Variants in PCNX2 observed in about 807,000 individuals in gnomAD.
PCNX2 encodes the protein pecanex-like protein 2.
A neutral mutation model predicts 223.8 loss-of-function variants in PCNX2; 168 were observed. That is an observed-to-expected ratio of 0.75 (90% CI 0.66 to 0.85). The LOEUF (loss-of-function observed/expected upper bound fraction) is 0.85. Among genes scored for constraint, PCNX2 ranks in the 40% least tolerant of loss-of-function variants. The pLI is 0.00. For synonymous variants in PCNX2, 1,006 were observed against 1,052.6 expected (o/e 0.96, Z 0.86); for missense variants, 2,507 against 2,675.5 (o/e 0.94, Z 1.39).
rs1674612161 is a variant in PCNX2 at position 233,103,601 on chromosome 1, T to G, written c.3838-7738A>C. On this transcript the variant is annotated intron_variant, in intron 21 of 33. Transcript: ENST00000258229. ...TGACCTCCAGTTCCATCCATGTTGT[T>G]GCAAATGATAGAATTCTTTTTTATG... Among the ~76,000 whole-genome samples, 3 of 152,196 alleles carry G rather than the reference T, an allele frequency of 2.0e-5. No individual in the cohort carries two copies. The South Asian group carries it at 6.2e-4, about 31-fold the overall frequency.
chr1:233,292,361 C>T (rs971178720), intron 1 of PCNX2, among the ~76,000 whole-genome samples: 4 of 151,882 alleles, frequency 2.6e-5, no homozygotes, highest in African/African-American at 7.3e-5. Context: ...GCATGCACCA[C>T]CACGCCCAGC....
At chr1:233,148,821 A>G (rs1677625092) in intron 19 of PCNX2, among the ~76,000 whole-genome samples, 1 of 152,272 alleles carries the variant, frequency 6.6e-6, no homozygotes, top group African/African-American at 2.4e-5. Flanking sequence ...TGAAACTCAT[A>G]CTGAATGTTT....
intron 21 of PCNX2, among the ~76,000 whole-genome samples, chr1:233,130,663 T>G (rs536245911): frequency 6.6e-6 from 1 of 152,170 alleles, no homozygotes; most frequent in East Asian, 1.9e-4. Flanking sequence ...TTTTGTATTT[T>G]TAGTAGAGAC....
intron 25 of PCNX2, among the ~76,000 whole-genome samples, chr1:233,050,120 G>C (rs1454020246): frequency 1.3e-5 from 2 of 152,048 alleles, no homozygotes; most frequent in Non-Finnish European, 2.9e-5. Context: ...GATAGCATTA[G>C]GAGAAATACC....
At chr1:233,097,888 G>A (rs1273989882) in intron 21 of PCNX2, among the ~76,000 whole-genome samples, 1 of 152,134 alleles carries the variant, frequency 6.6e-6, no homozygotes, top group Non-Finnish European at 1.5e-5. Flanking sequence ...AACACATCAA[G>A]TGCCCAAGAG....
chr1:233,262,065 G>C lies in PCNX2; in HGVS notation c.460C>G (p.His154Asp). 2 of 1,613,856 alleles carry C rather than the reference G, an allele frequency of 1.2e-6. No homozygotes were observed. Among genetic ancestry groups the C allele is most frequent in the South Asian group, 1.1e-5 (1 of 91,074 alleles). The change falls in exon 3 of 34, where the codon CAT (histidine) becomes GAT (aspartate). Residue 154 changes from histidine (H) to aspartate (D), a missense_variant. Around this residue, in one of 3 missense-constraint regions of PCNX2, gnomAD observed 1,031 missense variants for 1,021.7 expected, o/e 1.01. Transcript: ENST00000258229. ...CSSRGQSITSHHSSGPLELSA... is the reference protein window; with the variant it reads ...CSSRGQSITSDHSSGPLELSA... ...CTAACCAATGGCCCAGAAGAGTGATGAGAGGTTATGCTTTGCCCTCTGGAG... is the reference window on the plus strand; with the variant it reads ...CTAACCAATGGCCCAGAAGAGTGATCAGAGGTTATGCTTTGCCCTCTGGAG...
At chr1:232,998,459 T>C in intron 31 of PCNX2, 21 bp from the exon 32 acceptor site, 1 of 1,604,820 alleles carries the variant, frequency 6.2e-7, no homozygotes, top group Non-Finnish European at 8.5e-7. Flanking sequence ...GAGAAGTCCT[T>C]TGAGGATTCT....
chr1:233,150,016 C>G (rs1380451970), intron 19 of PCNX2, among the ~76,000 whole-genome samples: 1 of 152,136 alleles, frequency 6.6e-6, no homozygotes, highest in Non-Finnish European at 1.5e-5. Context: ...CCCTCCCAAC[C>G]CCCTATGTGT....
chr1:233,144,950 TTTG>T (rs1468948798), intron 19 of PCNX2, among the ~76,000 whole-genome samples: 4 of 63,806 alleles, frequency 6.3e-5, no homozygotes, highest in African/African-American at 2.8e-4. Context: ...TTGTTGTTGT[TTTG>T]TTTTTTTTTT....
rs561451430 is a variant in PCNX2 at position 232,991,434 on chromosome 1, G to A, written c.5792-4894C>T. Among the ~76,000 whole-genome samples the A allele has an allele frequency of 2.8e-4, 43 of 152,222 alleles. No individual in the cohort carries two copies. Among genetic ancestry groups the A allele is most frequent in the African/African-American group, 8.2e-4 (34 of 41,516 alleles). On this transcript the variant is annotated intron_variant, in intron 32 of 33. Coordinates refer to ENST00000258229, the MANE Select transcript of PCNX2 (RefSeq NM_014801.4). The surrounding 1 kb of genome is among the most constrained non-coding windows in gnomAD (Gnocchi z 4.3). ...AGCAGACCAGATGGGGGCCTGCGGG[G>A]GAGGGGTGCTCATGGGATGCGCGTG...
chr1:233,258,753 A>G lies in PCNX2; in HGVS notation c.1109T>C (p.Leu370Pro). The G allele has an allele frequency of 1.2e-6, 2 of 1,613,924 alleles. No homozygotes were observed. Among genetic ancestry groups the G allele is most frequent in the Non-Finnish European group, 1.7e-6 (2 of 1,179,898 alleles). The change falls in exon 5 of 34, where the codon CTA becomes CCA. Residue 370 changes from leucine (L) to proline (P), a missense_variant. Coordinates refer to ENST00000258229, the MANE Select transcript of PCNX2 (RefSeq NM_014801.4). ...DTSQPGDPLS[L>P]HEPIKIVITM... ...GATAACAATTTTTATGGGCTCATGT[A>G]GACTCAGTGGGTCTCCGGGTTGAGA...
chr1:233,120,692 G>A (rs186463903), intron 21 of PCNX2, among the ~76,000 whole-genome samples: 46 of 152,228 alleles, frequency 3.0e-4, no homozygotes, highest in Admixed American at 2.4e-3. Flanking sequence ...GTTATATATT[G>A]TATGATTCCA....
At chr1:233,029,450 GA>G (rs1257368534) in intron 25 of PCNX2, among the ~76,000 whole-genome samples, 1 of 151,928 alleles carries the variant, frequency 6.6e-6, no homozygotes, top group Non-Finnish European at 1.5e-5. Flanking sequence ...ATTTTAAAAA[GA>G]AAAAAATCTT....
intron 1 of PCNX2, among the ~76,000 whole-genome samples, chr1:233,289,970 C>T (rs1661665137): frequency 6.6e-6 from 1 of 152,164 alleles, no homozygotes; most frequent in South Asian, 2.1e-4. Flanking sequence ...CCATAATTTA[C>T]ACTAAGTCAT....
intron 28 of PCNX2, among the ~76,000 whole-genome samples, chr1:233,011,704 G>A (rs1197080746): frequency 6.6e-6 from 1 of 152,158 alleles, no homozygotes; most frequent in East Asian, 1.9e-4. Flanking sequence ...AGATAGGAAG[G>A]TGAAGAAGAA....
chr1:233,163,806 T>A (rs1026886527), intron 17 of PCNX2, among the ~76,000 whole-genome samples: 4 of 152,124 alleles, frequency 2.6e-5, no homozygotes, highest in African/African-American at 9.7e-5. Flanking sequence ...ATATGTATGG[T>A]CTGGCTTCTT....
intron 22 of PCNX2, among the ~76,000 whole-genome samples, chr1:233,092,362 AG>A (rs1394393655): frequency 6.6e-6 from 1 of 152,238 alleles, no homozygotes; most frequent in African/African-American, 2.4e-5. Flanking sequence ...ACATATTAAA[AG>A]GGGGGCTGAT....
intron 19 of PCNX2, among the ~76,000 whole-genome samples, chr1:233,154,738 A>G (rs1305722376): frequency 1.3e-5 from 2 of 152,192 alleles, no homozygotes; most frequent in Admixed American, 1.3e-4. Flanking sequence ...TTAGGATATT[A>G]GCCTTTTACT....
At chr1:233,090,318 T>G in intron 22 of PCNX2, 128 bp from the exon 23 acceptor site, 1 of 1,080,996 alleles carries the variant, frequency 9.3e-7, no homozygotes, top group African/African-American at 1.6e-5. Context: ...GAACACACAC[T>G]TAATCTCTCT....
Sources: allele counts gnomAD v4.1 joint callset (sites outside exome capture counted in the v4.1 genomes callset), GRCh38; gene constraint gnomAD v4.1.1; regional missense constraint gnomAD v4.1.1; non-coding constraint Gnocchi (gnomAD v3.1); transcripts MANE v1.5; gene names NCBI Gene and HGNC (gene_info 2026-07-23, HGNC 2026-07-21).